Variants in SYT17 observed in about 807,000 individuals in gnomAD.
SYT17 encodes the protein synaptotagmin-17.
Under a neutral mutation model 46.7 loss-of-function variants are expected in SYT17, and 22 were observed. That is an observed-to-expected ratio of 0.47 (90% CI 0.34 to 0.67). The LOEUF is 0.67. Ranked by LOEUF, SYT17 falls within the 30% of genes least tolerant of loss-of-function variation. The pLI, the probability that SYT17 is intolerant of heterozygous loss-of-function variation, is 0.01. For synonymous variants in SYT17, 251 were observed against 248.4 expected, an observed-to-expected ratio of 1.01 and a Z score of -0.10; for missense variants, 519 against 612.8, an observed-to-expected ratio of 0.85 and a Z score of 1.62.
intron 7 of SYT17, among the ~76,000 whole-genome samples, chr16:19,247,842 A>G (rs981824465): frequency 1.3e-5 from 2 of 152,244 alleles, no homozygotes; most frequent in Admixed American, 1.3e-4. Flanking sequence ...TGTGTGGATT[A>G]TTATTTTTGC....
At position 19,168,525 on chromosome 16, in the gene SYT17, G is replaced by A; in HGVS notation, c.-122G>A. Reference sequence around the variant, plus strand: ...CTCATCAGCCACGCCAGTCACGTCTGGGGCCACCGGCTGCCTTTTTCTTCC... The same window carrying A: ...CTCATCAGCCACGCCAGTCACGTCTAGGGCCACCGGCTGCCTTTTTCTTCC... On this transcript the variant is annotated 5_prime_UTR_variant, in exon 1 of 8. Transcript: ENST00000355377. The surrounding 1 kb of genome is among the most constrained non-coding windows in gnomAD (Gnocchi z 6.9). The A allele has an allele frequency of 7.1e-7, 1 of 1,414,132 alleles. No individual in the cohort carries two copies. Among genetic ancestry groups the A allele is most frequent in the Non-Finnish European group, 9.7e-7 (1 of 1,035,002 alleles). The allele number at this position is 1,414,132 out of a possible 1,614,324, so 87.6% of individuals were successfully genotyped here. A position where few individuals can be genotyped will look rare whatever the true frequency, so the allele number is the denominator to read the frequency against.
At chr16:19,245,536 G>T (rs561095912) in intron 7 of SYT17, among the ~76,000 whole-genome samples, 1 of 152,142 alleles carries the variant, frequency 6.6e-6, no homozygotes, top group Admixed American at 6.5e-5. Flanking sequence ...TTTGAGGCTT[G>T]TTTACTCTCC....
At chr16:19,238,439 G>T (rs1311342633) in intron 7 of SYT17, among the ~76,000 whole-genome samples, 1 of 152,176 alleles carries the variant, frequency 6.6e-6, no homozygotes, top group Non-Finnish European at 1.5e-5. Context: ...TTACCCTGGG[G>T]TTCTCCTGGC....
In SYT17 at chr16:19,183,741, A is replaced by G. The variant is rs200232477; in HGVS notation, c.545A>G (p.Lys182Arg). Residue 182 changes from lysine (K) to arginine (R), a missense_variant, in exon 5 of 8, where the codon AAG becomes AGG. Lys to Arg is a conservative substitution (Grantham distance 26). Transcript: ENST00000355377. This position sits in a 1 kb window ranked among gnomAD's most constrained non-coding sequence, Gnocchi z 5.6. ...CTGACAGACGAGGAGATCCTGTCCAAGTACCAGCTGGGCATGCTGCACTTC... is the reference window on the plus strand; with the variant it reads ...CTGACAGACGAGGAGATCCTGTCCAGGTACCAGCTGGGCATGCTGCACTTC... ...DSLTDEEILS[K>R]YQLGMLHFST... 8 of 1,614,072 alleles carry G rather than the reference A, an allele frequency of 5.0e-6. No homozygotes were observed. The highest frequency in any genetic ancestry group is 1.3e-5 in the African/African-American group (1 of 74,936).
At chr16:19,188,472 C>G (rs1289769665) in intron 5 of SYT17, among the ~76,000 whole-genome samples, 1 of 136,228 alleles carries the variant, frequency 7.3e-6, no homozygotes, top group Non-Finnish European at 1.5e-5. Context: ...TGCACTTATA[C>G]TCCTGAACTT....
At chr16:19,191,287 A>G (rs953125849) in intron 5 of SYT17, among the ~76,000 whole-genome samples, 1 of 152,030 alleles carries the variant, frequency 6.6e-6, no homozygotes, top group African/African-American at 2.4e-5. Flanking sequence ...TGAAATCCTA[A>G]CCCCGAGGGG....
chr16:19,222,011 GTA>G (rs1204115424), intron 5 of SYT17, among the ~76,000 whole-genome samples: 2 of 152,126 alleles, frequency 1.3e-5, no homozygotes, highest in South Asian at 2.1e-4. Context: ...AGATGGTGGG[GTA>G]TACTCTTCTG....
At chr16:19,238,444 C>T (rs181781954) in intron 7 of SYT17, among the ~76,000 whole-genome samples, 8 of 152,288 alleles carry the variant, frequency 5.3e-5, no homozygotes, top group African/African-American at 1.7e-4. Context: ...CTGGGGTTCT[C>T]CTGGCAGAGC....
intron 7 of SYT17, among the ~76,000 whole-genome samples, chr16:19,253,015 G>T (rs12447752): frequency 0.12 from 18,081 of 152,152 alleles, 2,316 homozygotes; most frequent in East Asian, 0.35. Context: ...CAGGTTTCCA[G>T]GTGATGCTGC....
At chr16:19,258,054 G>T (rs930599641) in intron 7 of SYT17, among the ~76,000 whole-genome samples, 1 of 151,758 alleles carries the variant, frequency 6.6e-6, no homozygotes, top group Non-Finnish European at 1.5e-5. Flanking sequence ...CTAAATTAGC[G>T]ACCAAATAAT....
chr16:19,178,029 G>C (rs1439159532), intron 3 of SYT17, among the ~76,000 whole-genome samples: 1 of 151,552 alleles, frequency 6.6e-6, no homozygotes, highest in African/African-American at 2.4e-5. Flanking sequence ...ACCTGTATTA[G>C]TTTGTTTTCT....
intron 7 of SYT17, among the ~76,000 whole-genome samples, chr16:19,256,246 C>T (rs555709391): frequency 6.6e-6 from 1 of 152,070 alleles, no homozygotes; most frequent in African/African-American, 2.4e-5. Context: ...CCCTCCTTAT[C>T]TGCTGCTTGA....
intron 1 of SYT17, chr16:19,169,633 CTG>C (rs1231808928): frequency 1.3e-5 from 2 of 152,306 alleles, no homozygotes; most frequent in African/African-American, 4.8e-5. Context: ...GCCGGGAACT[CTG>C]TGCTGTGTCA....
intron 5 of SYT17, among the ~76,000 whole-genome samples, chr16:19,207,365 A>C (rs1309988163): frequency 2.0e-5 from 3 of 152,248 alleles, no homozygotes; most frequent in Admixed American, 2.0e-4. Context: ...TGCTATAAGA[A>C]ATACCTGAGA....
intron 7 of SYT17, among the ~76,000 whole-genome samples, chr16:19,255,402 G>A (rs1378888232): frequency 6.6e-6 from 1 of 152,172 alleles, no homozygotes. Context: ...CTACCCGCTA[G>A]AGGCCAGCAG....
At chr16:19,185,604 TTAAA>T (rs1964755984) in intron 5 of SYT17, among the ~76,000 whole-genome samples, 1 of 143,746 alleles carries the variant, frequency 7.0e-6, no homozygotes, top group Admixed American at 7.0e-5. Context: ...CCCTGTCTCT[TTAAA>T]AAAAAAAAAA....
intron 4 of SYT17, among the ~76,000 whole-genome samples, chr16:19,182,084 A>G (rs570131088): frequency 1.2e-4 from 18 of 151,872 alleles, no homozygotes; most frequent in Admixed American, 2.0e-4. Flanking sequence ...ATGAGTATAC[A>G]TTGGATATAG....
At chr16:19,232,798 C>T (rs1053175378) in intron 7 of SYT17, among the ~76,000 whole-genome samples, 2 of 152,100 alleles carry the variant, frequency 1.3e-5, no homozygotes, top group East Asian at 1.9e-4. Context: ...CGGCACTGCA[C>T]TCCAGTCTAG....
At chr16:19,222,091 A>C (rs1236931004) in intron 5 of SYT17, among the ~76,000 whole-genome samples, 1 of 152,210 alleles carries the variant, frequency 6.6e-6, no homozygotes, top group Admixed American at 6.5e-5. Flanking sequence ...CATCAGTTAA[A>C]GATGCATTCT....
Sources: gnomAD v4.1 joint callset for allele counts (sites outside exome capture counted in the v4.1 genomes callset) on GRCh38, gnomAD v4.1.1 for gene constraint, Gnocchi (gnomAD v3.1) non-coding constraint, MANE v1.5 for transcripts, NCBI Gene and HGNC (gene_info 2026-07-23, HGNC 2026-07-21) for gene names.